Variants in MAF observed in about 807,000 individuals in gnomAD.
MAF encodes transcription factor Maf.
In MAF, 10 loss-of-function variants were observed where a neutral mutation model predicts 22.0. The ratio of observed to expected loss-of-function variants is 0.45; its 90% CI spans 0.28 to 0.77. MAF has a LOEUF of 0.77. Among genes scored for constraint, MAF ranks in the 30% least tolerant of loss-of-function variants. The probability of loss-of-function intolerance (pLI) is 0.12; values close to 1 mark genes in which losing one functional copy is unlikely to be tolerated. For missense variants in MAF, 544 were observed against 548.4 expected, an observed-to-expected ratio of 0.99 and a Z score of 0.08; for synonymous variants, 337 against 255.8, an observed-to-expected ratio of 1.32 and a Z score of -3.03.
At chr16:79,597,719 T>A in intron 1 of MAF, 2 of 1,018,922 alleles carry the variant, frequency 2.0e-6, no homozygotes, top group Non-Finnish European at 2.4e-6. Context: ...TGCCATGCTA[T>A]AAGTCTTCGA....
chr16:79,259,337 C>T, the MAF span, among the ~76,000 whole-genome samples: 1 of 152,232 alleles, frequency 6.6e-6, no homozygotes, highest in Non-Finnish European at 1.5e-5. Flanking sequence ...CCACCAGCCA[C>T]CACTCTGCAG....
the MAF span, among the ~76,000 whole-genome samples, chr16:79,217,538 CCT>C: frequency 2.0e-5 from 3 of 152,130 alleles, no homozygotes; most frequent in African/African-American, 7.2e-5. Flanking sequence ...CTCAATAGGC[CCT>C]CTCTCCTGTT....
At chr16:79,463,368 G>C in the MAF span, among the ~76,000 whole-genome samples, 8 of 152,176 alleles carry the variant, frequency 5.3e-5, no homozygotes, top group African/African-American at 1.7e-4. Context: ...CTTTTTAAAT[G>C]CCAGCTTACC....
In MAF at chr16:79,600,569, G is replaced by A. The variant is rs1312315719; in HGVS notation, c.-667C>T. 5.1e-6 allele frequency: 1 copy of A among 195,868 alleles called. No homozygotes were observed. Among genetic ancestry groups the A allele is most frequent in the South Asian group, 2.0e-4 (1 of 5,048 alleles). The allele number at this position is 195,868 out of a possible 1,614,324, so 12.1% of individuals were successfully genotyped here. The stretch of plus-strand genomic sequence containing the variant: ...GAGGTGCAGCCCGACTGGAGGAGAG[G>A]GAGGGGGGAGTTTAGTTCTTTCTTG... On this transcript the variant is annotated 5_prime_UTR_variant, in exon 1 of 2. Transcript: ENST00000326043.
chr16:79,507,927 T>C, the MAF span, among the ~76,000 whole-genome samples: 1 of 152,250 alleles, frequency 6.6e-6, no homozygotes, highest in African/African-American at 2.4e-5. Flanking sequence ...TAGACTTGGG[T>C]TTCATGAAAA....
the MAF span, among the ~76,000 whole-genome samples, chr16:79,311,950 G>T: frequency 1.3e-5 from 2 of 152,118 alleles, no homozygotes; most frequent in Non-Finnish European, 2.9e-5. Flanking sequence ...ATGGCGGAGA[G>T]GGAAGAGGAG....
At chr16:79,356,112 C>T in the MAF span, among the ~76,000 whole-genome samples, 70 of 152,140 alleles carry the variant, frequency 4.6e-4, no homozygotes, top group African/African-American at 1.3e-3. Flanking sequence ...CATTCAAGCA[C>T]GTACACACTC....
chr16:79,551,514 G>C, the MAF span, among the ~76,000 whole-genome samples: 1 of 152,112 alleles, frequency 6.6e-6, no homozygotes, highest in Non-Finnish European at 1.5e-5. Flanking sequence ...AGAAAGACGT[G>C]GCCCTTTCTG....
Position 79,594,398 on chromosome 16 carries a change from C to A in MAF, c.*62G>T. 1 of 1,454,258 alleles carries A rather than the reference C, an allele frequency of 6.9e-7. No homozygotes were observed. The highest frequency in any genetic ancestry group is 9.4e-7 in the Non-Finnish European group (1 of 1,059,050). The allele number at this position is 1,454,258 out of a possible 1,614,324, so 90.1% of individuals were successfully genotyped here. On this transcript the variant is annotated 3_prime_UTR_variant, in exon 2 of 2. Coordinates refer to ENST00000326043, the MANE Select transcript of MAF (RefSeq NM_005360.5). ...ACAGAAGTCAGGGGTAGGTGGTTCT[C>A]CATGACTGCAAATAATAATAATAAT...
At chr16:79,516,550 T>C in the MAF span, among the ~76,000 whole-genome samples, 10 of 152,234 alleles carry the variant, frequency 6.6e-5, no homozygotes, top group African/African-American at 2.2e-4. Context: ...TAATAATTAA[T>C]ATAATACATG....
chr16:79,424,210 T>C, the MAF span, among the ~76,000 whole-genome samples: 3 of 152,176 alleles, frequency 2.0e-5, no homozygotes, highest in Non-Finnish European at 2.9e-5. Flanking sequence ...ACCCTGTTTG[T>C]CTGAAGGAAA....
chr16:79,297,943 G>C, the MAF span, among the ~76,000 whole-genome samples: 1 of 152,208 alleles, frequency 6.6e-6, no homozygotes, highest in African/African-American at 2.4e-5. Context: ...GGACCCAGGA[G>C]TTAATATTTG....
the MAF span, among the ~76,000 whole-genome samples, chr16:79,502,747 AT>A: frequency 8.5e-6 from 1 of 117,178 alleles, no homozygotes; most frequent in African/African-American, 3.7e-5. Context: ...ATATATATAT[AT>A]ATATATAAAG....
At chr16:79,506,641 T>C in the MAF span, among the ~76,000 whole-genome samples, 1 of 152,204 alleles carries the variant, frequency 6.6e-6, no homozygotes, top group Admixed American at 6.5e-5. Context: ...TATTTTACTT[T>C]TCACAGGAGG....
At chr16:79,333,987 G>A in the MAF span, among the ~76,000 whole-genome samples, 1 of 152,206 alleles carries the variant, frequency 6.6e-6, no homozygotes, top group East Asian at 1.9e-4. Flanking sequence ...GCTTTCTTAG[G>A]AGCATGCTTT....
At chr16:79,351,932 C>T in the MAF span, among the ~76,000 whole-genome samples, 1 of 152,148 alleles carries the variant, frequency 6.6e-6, no homozygotes, top group Non-Finnish European at 1.5e-5. Context: ...AGCCAAGCCA[C>T]TAGTTTTTCA....
the MAF span, among the ~76,000 whole-genome samples, chr16:79,319,469 C>A: frequency 6.6e-6 from 1 of 152,128 alleles, no homozygotes; most frequent in East Asian, 1.9e-4. Flanking sequence ...TTAACACTGA[C>A]CTTCAGTCCC....
chr16:79,507,322 C>T, the MAF span, among the ~76,000 whole-genome samples: 3 of 150,208 alleles, frequency 2.0e-5, no homozygotes, highest in South Asian at 6.3e-4. Context: ...TTCATTGTGT[C>T]AGCGAGGATG....
chr16:79,589,649 C>G (rs1213955124), downstream of MAF, among the ~76,000 whole-genome samples: 1 of 152,184 alleles, frequency 6.6e-6, no homozygotes, highest in African/African-American at 2.4e-5. Flanking sequence ...CTTGCGGGAC[C>G]GAGTCTTGCT....
Sources: gnomAD v4.1 joint callset for allele counts (sites outside exome capture counted in the v4.1 genomes callset) on GRCh38, gnomAD v4.1.1 for gene constraint, MANE v1.5 for transcripts, NCBI Gene and HGNC (gene_info 2026-07-23, HGNC 2026-07-21) for gene names.